Variants in LRIF1 observed in about 807,000 individuals in gnomAD.
LRIF1 encodes ligand dependent nuclear receptor interacting factor 1.
Under a neutral mutation model 52.7 loss-of-function variants are expected in LRIF1, and 32 were observed. The observed-to-expected ratio is 0.61, with a 90% confidence interval of 0.46 to 0.82. LRIF1 has a LOEUF of 0.82. LRIF1 is among the 40% of genes least tolerant of loss of function. LRIF1 has a pLI of 0.00. For missense variants in LRIF1, 887 were observed against 892.0 expected (o/e 0.99, Z 0.07); for synonymous variants, 323 against 317.4 (o/e 1.02, Z -0.19).
the LRIF1 span, among the ~76,000 whole-genome samples, chr1:110,895,852 G>C: frequency 6.6e-6 from 1 of 151,914 alleles, no homozygotes; most frequent in Admixed American, 6.6e-5. Context: ...TTTTTCGTTA[G>C]AATATGTTAA....
At chr1:110,927,623 G>T in the LRIF1 span, among the ~76,000 whole-genome samples, 1 of 152,122 alleles carries the variant, frequency 6.6e-6, no homozygotes, top group African/African-American at 2.4e-5. Flanking sequence ...TGTGGCCACT[G>T]CTTCATGCCA....
At chr1:110,891,394 C>G in the LRIF1 span, 1 of 1,607,112 alleles carries the variant, frequency 6.2e-7, no homozygotes, top group Non-Finnish European at 8.5e-7. Flanking sequence ...TTCCTTAGGG[C>G]AAGAATATCA....
the LRIF1 span, chr1:110,892,553 G>A: frequency 6.3e-7 from 1 of 1,595,548 alleles, no homozygotes; most frequent in Non-Finnish European, 8.6e-7. Flanking sequence ...TACAGCAGAT[G>A]TGGTGCCCCA....
the LRIF1 span, chr1:110,936,582 CA>C: frequency 2.0e-5 from 3 of 151,320 alleles, no homozygotes; most frequent in African/African-American, 7.3e-5. Context: ...TGATCTCAAA[CA>C]AAAAACATAC....
the LRIF1 span, among the ~76,000 whole-genome samples, chr1:110,879,358 A>G: frequency 2.0e-5 from 3 of 152,228 alleles, no homozygotes; most frequent in Non-Finnish European, 4.4e-5. Context: ...CACACTTCTG[A>G]TAAGTAGCAC....
chr1:110,897,763 G>A, the LRIF1 span: 1 of 1,139,994 alleles, frequency 8.8e-7, no homozygotes, highest in African/African-American at 1.5e-5. Flanking sequence ...CTCTTGATAT[G>A]GTGGAATTAT....
rs1174459234 is a variant in LRIF1, at chr1:110,951,989, G to C, written c.895C>G (p.Pro299Ala). 6.2e-7 allele frequency: 1 copy of C among 1,614,144 alleles called. No homozygotes were observed. The highest frequency in any genetic ancestry group is 1.7e-5 in the Admixed American group (1 of 60,016). ...ACAGGAACAAGAGATGGCGTAAAAG[G>C]CTGTAGATTATCTTGGAAAATCCAT... ...VKWIFQDNLQ[P>A]FTPSLVPVKS... Residue 299 changes from proline (P) to alanine (A), a missense_variant, in exon 2 of 4, where the codon CCT becomes GCT. By Grantham distance (27) the Pro-to-Ala change is conservative. Transcript: ENST00000369763.
chr1:110,932,105 T>C, the LRIF1 span, among the ~76,000 whole-genome samples: 1 of 152,240 alleles, frequency 6.6e-6, no homozygotes. Flanking sequence ...TCTAGGGTTT[T>C]TATGGTGTTA....
chr1:110,936,114 C>T, the LRIF1 span, among the ~76,000 whole-genome samples: 4 of 152,192 alleles, frequency 2.6e-5, no homozygotes, highest in African/African-American at 9.6e-5. Context: ...ATTCTTCACA[C>T]ATGAAGGTGA....
At chr1:110,929,439 T>C in the LRIF1 span, among the ~76,000 whole-genome samples, 2 of 152,208 alleles carry the variant, frequency 1.3e-5, no homozygotes, top group African/African-American at 2.4e-5. Flanking sequence ...ATTTTTTGAC[T>C]TTTGAATAAT....
the LRIF1 span, chr1:110,899,376 C>G: frequency 6.8e-5 from 36 of 533,244 alleles, no homozygotes; most frequent in Middle Eastern, 2.9e-4. Context: ...TCTCAGGCAG[C>G]AAGACAATCT....
rs538458855 is a variant in LRIF1 at position 110,947,553 on chromosome 1, TAA to T, written c.*404_*405del. The stretch of plus-strand genomic sequence containing the variant: ...ACATATACAAATCCACTGGAAAAGC[TAA>T]GTTTGGAGCTGATTTCCTCTCTTGA... On this transcript the variant is annotated 3_prime_UTR_variant, in exon 4 of 4. Coordinates refer to ENST00000369763, the MANE Select transcript of LRIF1 (RefSeq NM_018372.4). The T allele has an allele frequency of 3.7e-3, 583 of 157,118 alleles. 1 individual carries two copies. The highest frequency in any genetic ancestry group is 0.013 in the African/African-American group (559 of 41,640). 9.7% of individuals were successfully genotyped at this position (157,118 alleles called of 1,614,324 possible). A position where few individuals can be genotyped will look rare whatever the true frequency, so the allele number is the denominator to read the frequency against.
At chr1:110,936,531 T>A in the LRIF1 span, 4 of 152,092 alleles carry the variant, frequency 2.6e-5, no homozygotes, top group Non-Finnish European at 4.4e-5. Flanking sequence ...GTTATCGGAT[T>A]GAAATAATGG....
At chr1:110,927,976 A>G in the LRIF1 span, among the ~76,000 whole-genome samples, 6 of 152,296 alleles carry the variant, frequency 3.9e-5, no homozygotes, top group South Asian at 1.2e-3. Context: ...CAAAAAGTGC[A>G]TGTGTAGAAA....
chr1:110,925,385 G>A, the LRIF1 span, among the ~76,000 whole-genome samples: 5 of 151,366 alleles, frequency 3.3e-5, no homozygotes, highest in African/African-American at 9.7e-5. Flanking sequence ...CAGCCTCCAC[G>A]GTCACATAAA....
At chr1:110,911,165 T>C in the LRIF1 span, among the ~76,000 whole-genome samples, 70,186 of 151,492 alleles carry the variant, frequency 0.46, 16,878 homozygotes, top group Middle Eastern at 0.61. Flanking sequence ...ATAAAGTTTA[T>C]GCTACCCTCA....
chr1:110,960,398 G>A (rs1658902133), intron 1 of LRIF1, among the ~76,000 whole-genome samples: 1 of 151,990 alleles, frequency 6.6e-6, no homozygotes, highest in Admixed American at 6.6e-5. Context: ...ATACTGAACT[G>A]ACAATGAAGC....
At chr1:110,914,076 T>C in the LRIF1 span, among the ~76,000 whole-genome samples, 2 of 152,152 alleles carry the variant, frequency 1.3e-5, no homozygotes, top group Non-Finnish European at 1.5e-5. Context: ...TTGCATGTTC[T>C]CACTTCTTTT....
At chr1:110,925,069 G>A in the LRIF1 span, among the ~76,000 whole-genome samples, 2 of 152,266 alleles carry the variant, frequency 1.3e-5, no homozygotes, top group African/African-American at 2.4e-5. Flanking sequence ...TTAATTTTAT[G>A]TATCAACTTG....
Sources: allele counts gnomAD v4.1 joint callset (sites outside exome capture counted in the v4.1 genomes callset), GRCh38; gene constraint gnomAD v4.1.1; transcripts MANE v1.5; gene names NCBI Gene and HGNC (gene_info 2026-07-23, HGNC 2026-07-21).